TSHZ3: variants seen among roughly 807,000 people sequenced by gnomAD.
The protein encoded by TSHZ3 is teashirt homolog 3.
Under a neutral mutation model 64.5 loss-of-function variants are expected in TSHZ3, and 10 were observed. That is an observed-to-expected ratio of 0.16 (90% CI 0.10 to 0.26). The LOEUF is 0.26. TSHZ3 is among the 10% of genes least tolerant of loss of function. The pLI is 1.00. For missense variants in TSHZ3, 1,242 were observed against 1,421.7 expected, an observed-to-expected ratio of 0.87 and a Z score of 2.03; for synonymous variants, 608 against 593.1, an observed-to-expected ratio of 1.03 and a Z score of -0.36.
chr19:31,328,083 A>G (rs918524012), intron 1 of TSHZ3, among the ~76,000 whole-genome samples: 2 of 152,232 alleles, frequency 1.3e-5, no homozygotes, highest in African/African-American at 4.8e-5. Flanking sequence ...GAAGAAGCTA[A>G]TGGTATAATG....
chr19:31,320,351 A>G (rs759787200), intron 1 of TSHZ3, among the ~76,000 whole-genome samples: 6 of 152,142 alleles, frequency 3.9e-5, no homozygotes, highest in Non-Finnish European at 7.3e-5. Context: ...TACCCATATA[A>G]TATCACTAAG....
intron 2 of TSHZ3, among the ~76,000 whole-genome samples, chr19:31,242,691 G>C (rs565056426): frequency 5.8e-4 from 88 of 151,736 alleles, no homozygotes; most frequent in African/African-American, 2.1e-3. Flanking sequence ...ATGTATGTCT[G>C]AGGTCTAGGA....
intron 1 of TSHZ3, among the ~76,000 whole-genome samples, chr19:31,246,092 C>G (rs1181773748): frequency 1.3e-5 from 2 of 152,168 alleles, no homozygotes; most frequent in African/African-American, 4.8e-5. Context: ...AGTGAATCGA[C>G]ATGTCACAAC....
At chr19:31,287,688 A>C (rs570724914) in intron 1 of TSHZ3, among the ~76,000 whole-genome samples, 15 of 152,062 alleles carry the variant, frequency 9.9e-5, no homozygotes, top group Non-Finnish European at 1.9e-4. Flanking sequence ...GGAGAGAGAG[A>C]ACACAGGTAA....
At chr19:31,177,204 G>C (rs996409060) in intron 5 of TSHZ3, among the ~76,000 whole-genome samples, 4 of 152,188 alleles carry the variant, frequency 2.6e-5, no homozygotes, top group African/African-American at 7.2e-5. Context: ...ATGGACCATG[G>C]CGCCTTCATA....
intron 5 of TSHZ3, among the ~76,000 whole-genome samples, chr19:31,186,936 T>G (rs1974819608): frequency 6.6e-6 from 1 of 150,894 alleles, no homozygotes; most frequent in Admixed American, 6.6e-5. Flanking sequence ...TTATATATTC[T>G]GAAGACCAGT....
intron 5 of TSHZ3, among the ~76,000 whole-genome samples, chr19:31,191,111 G>T (rs879561068): frequency 6.6e-6 from 1 of 152,072 alleles, no homozygotes; most frequent in African/African-American, 2.4e-5. Context: ...GGAAAATTGG[G>T]AGAGAACAAA....
At chr19:31,209,213 C>T (rs1876960828) in intron 4 of TSHZ3, among the ~76,000 whole-genome samples, 1 of 152,170 alleles carries the variant, frequency 6.6e-6, no homozygotes, top group African/African-American at 2.4e-5. Context: ...AAAAAGAATG[C>T]TAACTGAAAA....
At chr19:31,256,767 T>C (rs1975916364) in intron 1 of TSHZ3, among the ~76,000 whole-genome samples, 1 of 152,180 alleles carries the variant, frequency 6.6e-6, no homozygotes, top group African/African-American at 2.4e-5. Context: ...GTCCTCACAG[T>C]GCCACCGTGG....
rs758914084 is a variant in TSHZ3, at chr19:31,279,264, G to A, written c.529C>T (p.Gln177Ter). Residue 177 changes from glutamine to a stop codon, truncating the protein, a stop_gained, in exon 2 of 2, where the codon CAG becomes TAG. Coordinates refer to ENST00000240587, the MANE Select transcript of TSHZ3 (RefSeq NM_020856.4). LOFTEE classifies it high-confidence loss of function. The surrounding 1 kb of genome is among the most constrained non-coding windows in gnomAD (Gnocchi z 6.4). ...WHQSAMAKTL[Q>*]QVSQSRMLPE... is the part of the protein sequence containing the mutation. ...AGCATGCGGCTCTGTGACACCTGCT[G>A]CAGCGTCTTAGCCATGGCGCTCTGG... is the stretch of plus-strand genomic sequence containing the variant. 6.2e-7 allele frequency: 1 copy of A among 1,614,140 alleles called. No individual in the cohort carries two copies. Among genetic ancestry groups the A allele is most frequent in the African/African-American group, 1.3e-5 (1 of 75,048 alleles).
intron 1 of TSHZ3, among the ~76,000 whole-genome samples, chr19:31,312,159 T>G (rs1334744183): frequency 6.6e-6 from 1 of 152,166 alleles, no homozygotes; most frequent in Admixed American, 6.5e-5. Context: ...AAAAGAGTGT[T>G]TTGCAGGCTG....
chr19:31,234,013 A>G (rs1456732524), intron 3 of TSHZ3, among the ~76,000 whole-genome samples: 1 of 151,390 alleles, frequency 6.6e-6, no homozygotes, highest in Non-Finnish European at 1.5e-5. Flanking sequence ...TACAAAGAAC[A>G]TCTTAACACT....
chr19:31,181,793 T>G (rs1974720694), intron 5 of TSHZ3, among the ~76,000 whole-genome samples: 1 of 152,228 alleles, frequency 6.6e-6, no homozygotes, highest in Non-Finnish European at 1.5e-5. Context: ...ACATTTTTTC[T>G]TTTTGCAATA....
At chr19:31,321,507 G>A (rs2145167492) in intron 1 of TSHZ3, among the ~76,000 whole-genome samples, 1 of 152,312 alleles carries the variant, frequency 6.6e-6, no homozygotes, top group African/African-American at 2.4e-5. Context: ...CTACAGCTCT[G>A]CCTGAAACCT....
downstream of TSHZ3, among the ~76,000 whole-genome samples, chr19:31,272,456 A>AT (rs906335950): frequency 2.0e-5 from 3 of 152,002 alleles, no homozygotes; most frequent in Admixed American, 6.6e-5. Context: ...CAATATATAT[A>AT]TTTTTTCCTT....
chr19:31,274,063 G>C (rs1222700507), downstream of TSHZ3, among the ~76,000 whole-genome samples: 1 of 152,092 alleles, frequency 6.6e-6, no homozygotes, highest in African/African-American at 2.4e-5. Context: ...AAAAGGGGTG[G>C]GGATGAGCGG....
intron 1 of TSHZ3, among the ~76,000 whole-genome samples, chr19:31,302,135 G>A (rs1229005954): frequency 6.6e-6 from 1 of 152,166 alleles, no homozygotes; most frequent in Non-Finnish European, 1.5e-5. Context: ...AGAGAGCCAT[G>A]GTGCTGAGCC....
intron 1 of TSHZ3, among the ~76,000 whole-genome samples, chr19:31,334,110 G>T (rs969577072): frequency 6.6e-6 from 1 of 152,028 alleles, no homozygotes; most frequent in African/African-American, 2.4e-5. Context: ...AGCTGACTAC[G>T]TGTTTGTTCT....
chr19:31,178,512 T>A (rs1387787601), intron 5 of TSHZ3, among the ~76,000 whole-genome samples: 1 of 152,168 alleles, frequency 6.6e-6, no homozygotes, highest in African/African-American at 2.4e-5. Flanking sequence ...AAACTCCATC[T>A]CTACTAAAAA....
Sources: gnomAD v4.1 joint callset for allele counts (sites outside exome capture counted in the v4.1 genomes callset) on GRCh38, gnomAD v4.1.1 for gene constraint, Gnocchi (gnomAD v3.1) non-coding constraint, MANE v1.5 for transcripts, NCBI Gene and HGNC (gene_info 2026-07-23, HGNC 2026-07-21) for gene names.